The following LYPLAL1 variants were observed in gnomAD, a reference collection of about 807,000 sequenced individuals.
The protein encoded by LYPLAL1 is lysophospholipase-like protein 1.
In LYPLAL1, 23 loss-of-function variants were observed where a neutral mutation model predicts 19.7. That is an observed-to-expected ratio of 1.17 (90% confidence interval 0.84 to 1.65). The LOEUF is 1.65. Among genes scored for constraint, LYPLAL1 ranks in the 40% most tolerant of loss-of-function variants. LYPLAL1 has a pLI of 0.00. For missense variants in LYPLAL1, 355 were observed against 279.4 expected (o/e 1.27, Z -1.93); for synonymous variants, 119 against 96.3 (o/e 1.24, Z -1.38).
chr1:219,358,527 T>C, the LYPLAL1 span, among the ~76,000 whole-genome samples: 1 of 152,142 alleles, frequency 6.6e-6, no homozygotes, highest in African/African-American at 2.4e-5. Context: ...TCCACCAGGC[T>C]GGGGAGGCCT....
At chr1:219,333,072 A>G in the LYPLAL1 span, among the ~76,000 whole-genome samples, 1 of 151,978 alleles carries the variant, frequency 6.6e-6, no homozygotes. Context: ...TGTCCCTCTT[A>G]CACTTCAAGT....
chr1:219,358,250 A>G, the LYPLAL1 span, among the ~76,000 whole-genome samples: 1 of 152,194 alleles, frequency 6.6e-6, no homozygotes, highest in African/African-American at 2.4e-5. Flanking sequence ...TAACCTCACT[A>G]AAGGGGCAGA....
the LYPLAL1 span, among the ~76,000 whole-genome samples, chr1:219,226,189 G>A: frequency 1.3e-5 from 2 of 152,234 alleles, no homozygotes; most frequent in South Asian, 4.1e-4. Context: ...TTAGTGCCTA[G>A]TACAGTGATT....
At chr1:219,337,493 C>T in the LYPLAL1 span, among the ~76,000 whole-genome samples, 2 of 151,972 alleles carry the variant, frequency 1.3e-5, no homozygotes, top group Non-Finnish European at 2.9e-5. Flanking sequence ...TTGATTAAAG[C>T]AGGAGCACAT....
chr1:219,284,234 T>G, the LYPLAL1 span, among the ~76,000 whole-genome samples: 4 of 152,338 alleles, frequency 2.6e-5, no homozygotes, highest in East Asian at 7.7e-4. Context: ...CTCTATAAAT[T>G]ACCAGTCTTG....
At chr1:219,435,981 C>T in the LYPLAL1 span, among the ~76,000 whole-genome samples, 2 of 152,260 alleles carry the variant, frequency 1.3e-5, no homozygotes, top group South Asian at 4.1e-4. Flanking sequence ...AGAACTAGCC[C>T]CAATCCTTGT....
chr1:219,402,554 T>C, the LYPLAL1 span, among the ~76,000 whole-genome samples: 1 of 151,914 alleles, frequency 6.6e-6, no homozygotes, highest in Non-Finnish European at 1.5e-5. Flanking sequence ...GTATATTGAC[T>C]TCTGGTGAGT....
chr1:219,294,169 A>G, the LYPLAL1 span, among the ~76,000 whole-genome samples: 7 of 152,332 alleles, frequency 4.6e-5, no homozygotes, highest in East Asian at 3.9e-4. Flanking sequence ...CTTGAACTCA[A>G]TCTATCCTGA....
chr1:219,346,983 A>T, the LYPLAL1 span, among the ~76,000 whole-genome samples: 1 of 152,186 alleles, frequency 6.6e-6, no homozygotes, highest in African/African-American at 2.4e-5. Context: ...AATCTTGTTT[A>T]TTATAGGTAA....
chr1:219,352,509 T>G, the LYPLAL1 span, among the ~76,000 whole-genome samples: 3 of 151,912 alleles, frequency 2.0e-5, no homozygotes, highest in African/African-American at 4.8e-5. Flanking sequence ...CGGAGGAGAC[T>G]CCGTCTCAAA....
At chr1:219,366,596 G>A in the LYPLAL1 span, among the ~76,000 whole-genome samples, 1 of 152,086 alleles carries the variant, frequency 6.6e-6, no homozygotes, top group Non-Finnish European at 1.5e-5. Context: ...GAATGATGGT[G>A]GAACCACCAT....
chr1:219,213,836 A>G (rs911098132), downstream of LYPLAL1, among the ~76,000 whole-genome samples: 13 of 152,060 alleles, frequency 8.5e-5, no homozygotes, highest in African/African-American at 2.9e-4. Flanking sequence ...TGTCATCCAC[A>G]AACTGAAACA....
chr1:219,432,393 A>G, the LYPLAL1 span, among the ~76,000 whole-genome samples: 1 of 148,708 alleles, frequency 6.7e-6, no homozygotes, highest in African/African-American at 2.4e-5. Context: ...TCAGAAGGTA[A>G]GTGGAAAGAG....
chr1:219,384,144 T>C, the LYPLAL1 span, among the ~76,000 whole-genome samples: 9 of 152,212 alleles, frequency 5.9e-5, no homozygotes, highest in African/African-American at 2.2e-4. Flanking sequence ...TCCATTTTCA[T>C]CTTTACCAGT....
chr1:219,174,392 C>T, intron 1 of LYPLAL1: 7 of 651,934 alleles, frequency 1.1e-5, no homozygotes, highest in Non-Finnish European at 1.4e-5. Flanking sequence ...ATTGCTTTTT[C>T]CAGGCTCCCA....
At chr1:219,317,055 G>A in the LYPLAL1 span, among the ~76,000 whole-genome samples, 52,262 of 151,944 alleles carry the variant, frequency 0.34, 9,858 homozygotes, top group East Asian at 0.81. Flanking sequence ...TTATGTTATA[G>A]GTATTTTACC....
chr1:219,357,296 T>C, the LYPLAL1 span, among the ~76,000 whole-genome samples: 3 of 152,202 alleles, frequency 2.0e-5, no homozygotes, highest in Admixed American at 6.5e-5. Context: ...ACAAACGTTG[T>C]ACTTCAATAT....
the LYPLAL1 span, among the ~76,000 whole-genome samples, chr1:219,245,667 C>T: frequency 6.6e-6 from 1 of 152,072 alleles, no homozygotes; most frequent in Non-Finnish European, 1.5e-5. Context: ...GTATTGTGTA[C>T]AACTGGAGAA....
At chr1:219,353,551 A>G in the LYPLAL1 span, among the ~76,000 whole-genome samples, 2 of 152,240 alleles carry the variant, frequency 1.3e-5, no homozygotes, top group African/African-American at 4.8e-5. Context: ...CCTCAGGAGT[A>G]AACTAAACTA....
Sources: allele counts gnomAD v4.1 joint callset (sites outside exome capture counted in the v4.1 genomes callset), GRCh38; gene constraint gnomAD v4.1.1; transcripts MANE v1.5; gene names NCBI Gene and HGNC (gene_info 2026-07-23, HGNC 2026-07-21).